USH2A: variants seen among roughly 807,000 people sequenced by gnomAD.
USH2A encodes the protein usherin, also known as Usher syndrome 2A (autosomal recessive, mild).
Under a neutral mutation model 538.9 loss-of-function variants are expected in USH2A, and 443 were observed. The ratio of observed to expected loss-of-function variants is 0.82; its 90% CI spans 0.76 to 0.89. The LOEUF (loss-of-function observed/expected upper bound fraction) is 0.89. Among genes scored for constraint, USH2A ranks in the 40% least tolerant of loss-of-function variants. The pLI is 0.00. For synonymous variants in USH2A, 2,413 were observed against 2,273.5 expected (o/e 1.06, Z -1.75); for missense variants, 6,633 against 6,324.8 (o/e 1.05, Z -1.65).
At chr1:215,958,420 T>C (rs1667122303) in intron 37 of USH2A, among the ~76,000 whole-genome samples, 1 of 152,208 alleles carries the variant, frequency 6.6e-6, no homozygotes, top group African/African-American at 2.4e-5. Context: ...TCATCTAGTT[T>C]AAACCAGCAA....
At chr1:216,177,510 G>A (rs909003316) in intron 20 of USH2A, among the ~76,000 whole-genome samples, 1 of 152,036 alleles carries the variant, frequency 6.6e-6, no homozygotes, top group African/African-American at 2.4e-5. Context: ...TACACACAAC[G>A]GTCCAGGCAA....
chr1:216,228,439 TC>T (rs777251663), intron 14 of USH2A, among the ~76,000 whole-genome samples: 2 of 152,128 alleles, frequency 1.3e-5, no homozygotes, highest in Non-Finnish European at 2.9e-5. Context: ...GAATTGTAAC[TC>T]CCACAATTCC....
At chr1:215,792,111 C>T (rs1292943947) in intron 50 of USH2A, among the ~76,000 whole-genome samples, 2 of 152,066 alleles carry the variant, frequency 1.3e-5, no homozygotes, top group African/African-American at 4.8e-5. Flanking sequence ...TATATTCTCC[C>T]CCTCTCATTC....
intron 3 of USH2A, among the ~76,000 whole-genome samples, chr1:216,378,682 GT>G (rs973911535): frequency 2.0e-5 from 3 of 151,638 alleles, no homozygotes; most frequent in Non-Finnish European, 4.4e-5. Flanking sequence ...ATTTGTTTGA[GT>G]TTTTTTTCTT....
At chr1:216,079,625 G>T (rs2031867240) in intron 26 of USH2A, among the ~76,000 whole-genome samples, 1 of 152,072 alleles carries the variant, frequency 6.6e-6, no homozygotes, top group Admixed American at 6.6e-5. Context: ...AGTGATAGGA[G>T]GGTCTGGTAT....
rs764911220 is a variant in USH2A, at chr1:215,675,503, G to A, written c.12408C>T (p.Thr4136=). The part of the protein sequence containing the change: ...TLYTLTLEAC[T]RAGCAHSAPQ... ...GCGCCGAGTGTGCACAACCTGCTCT[G>A]GTGCAGGCCTCCAGGGTCAGTGTGT... The change falls in exon 63 of 72, where the codon ACC becomes ACT. Residue 4136 remains threonine (T), a synonymous_variant. Transcript: ENST00000307340. 1 of 1,614,062 alleles carries A rather than the reference G, an allele frequency of 6.2e-7. No homozygotes were observed. The highest frequency in any genetic ancestry group is 8.5e-7 in the Non-Finnish European group (1 of 1,179,986).
chr1:216,024,203 A>T (rs1007229418), intron 32 of USH2A, among the ~76,000 whole-genome samples: 3 of 152,146 alleles, frequency 2.0e-5, no homozygotes, highest in Non-Finnish European at 4.4e-5. Flanking sequence ...AAGAGGAGAC[A>T]AAGAATTAGC....
chr1:215,898,008 T>C (rs963043834), intron 40 of USH2A, among the ~76,000 whole-genome samples: 3 of 152,154 alleles, frequency 2.0e-5, no homozygotes, highest in Non-Finnish European at 4.4e-5. Flanking sequence ...CTTTCAGAGA[T>C]GGCATCCATC....
chr1:215,765,863 T>G (rs1201713802), intron 56 of USH2A, among the ~76,000 whole-genome samples: 1 of 152,188 alleles, frequency 6.6e-6, no homozygotes, highest in Non-Finnish European at 1.5e-5. Context: ...TAGCTGAATT[T>G]ATTTAGCAAT....
chr1:215,995,142 T>C (rs73092501), intron 34 of USH2A, among the ~76,000 whole-genome samples: 2,097 of 152,280 alleles, frequency 0.014, 41 homozygotes, highest in African/African-American at 0.048. Flanking sequence ...CTATACAACA[T>C]ATAAGTATAT....
At chr1:215,794,391 C>A (rs991352455) in intron 50 of USH2A, among the ~76,000 whole-genome samples, 5 of 152,172 alleles carry the variant, frequency 3.3e-5, no homozygotes, top group Admixed American at 6.5e-5. Context: ...CAATGCCAGG[C>A]AGCGAGAGAG....
chr1:216,174,245 CAAA>C, intron 21 of USH2A: 1 of 984,908 alleles, frequency 1.0e-6, no homozygotes, highest in African/African-American at 1.7e-5. Context: ...CTATTTGCTC[CAAA>C]ATGACTTTCT....
intron 4 of USH2A, among the ~76,000 whole-genome samples, chr1:216,338,891 A>G (rs973919353): frequency 6.6e-6 from 1 of 151,716 alleles, no homozygotes; most frequent in African/African-American, 2.4e-5. Context: ...TTGATAACAC[A>G]GGCAAATGGG....
intron 21 of USH2A, 177 bp downstream of exon 21, chr1:216,175,075 T>TC (rs965321694): frequency 1.4e-6 from 2 of 1,441,200 alleles, no homozygotes; most frequent in African/African-American, 2.9e-5. Context: ...CTGACTTTTT[T>TC]CCCCAGAATT....
At chr1:216,064,753 G>T (rs1338353466) in intron 30 of USH2A, among the ~76,000 whole-genome samples, 1 of 152,134 alleles carries the variant, frequency 6.6e-6, no homozygotes, top group African/African-American at 2.4e-5. Flanking sequence ...AGAGTAACAT[G>T]CTGTGCAGGT....
chr1:216,039,091 G>A (rs372892686), intron 32 of USH2A, among the ~76,000 whole-genome samples: 5 of 152,106 alleles, frequency 3.3e-5, no homozygotes, highest in African/African-American at 1.2e-4. Flanking sequence ...AGGTTGTATT[G>A]TTTACAGCTA....
intron 9 of USH2A, among the ~76,000 whole-genome samples, chr1:216,296,607 G>A (rs1206391060): frequency 6.6e-6 from 1 of 152,052 alleles, no homozygotes; most frequent in African/African-American, 2.4e-5. Context: ...TTAGAGAGGA[G>A]ACAGAATGAG....
At chr1:216,161,440 T>A (rs928935720) in intron 21 of USH2A, among the ~76,000 whole-genome samples, 3 of 152,084 alleles carry the variant, frequency 2.0e-5, no homozygotes, top group South Asian at 4.1e-4. Flanking sequence ...CTTCCATAAC[T>A]TTTTAGGAAT....
intron 54 of USH2A, 135 bp from the exon 55 acceptor site, chr1:215,780,176 C>CT (rs896535180): frequency 1.1e-4 from 109 of 1,007,054 alleles, no homozygotes; most frequent in African/African-American, 3.2e-4. Context: ...AAGCATTTCC[C>CT]TTTTTTTTCA....
Sources: allele counts gnomAD v4.1 joint callset (sites outside exome capture counted in the v4.1 genomes callset), GRCh38; gene constraint gnomAD v4.1.1; transcripts MANE v1.5; gene names NCBI Gene and HGNC (gene_info 2026-07-23, HGNC 2026-07-21).